Variants in DNAJC13 observed in about 807,000 individuals in gnomAD.
The protein encoded by DNAJC13 is DnaJ heat shock protein family (Hsp40) member C13.
In DNAJC13, 75 loss-of-function variants were observed where a neutral mutation model predicts 290.5. That is an observed-to-expected ratio of 0.26 (90% CI 0.21 to 0.31). DNAJC13 has a LOEUF of 0.31. Ranked by LOEUF, DNAJC13 falls within the 10% of genes least tolerant of loss-of-function variation. The probability of loss-of-function intolerance (pLI) is 1.00; values close to 1 mark genes in which losing one functional copy is unlikely to be tolerated. For synonymous variants in DNAJC13, 862 were observed against 892.0 expected (o/e 0.97, Z 0.60); for missense variants, 2,260 against 2,674.5 (o/e 0.85, Z 3.42).
At chr3:132,528,948 A>ATT (rs200060151) in intron 54 of DNAJC13, among the ~76,000 whole-genome samples, 1 of 150,752 alleles carries the variant, frequency 6.6e-6, no homozygotes, top group South Asian at 2.1e-4. Flanking sequence ...ACTAATGCTC[A>ATT]TTTTTTTTTA....
At chr3:132,490,585 T>G (rs572630811) in intron 31 of DNAJC13, among the ~76,000 whole-genome samples, 2 of 152,314 alleles carry the variant, frequency 1.3e-5, no homozygotes, top group South Asian at 4.1e-4. Flanking sequence ...CCTTCTGTTA[T>G]CCATTACTGT....
Position 132,453,461 on chromosome 3 carries a change from C to T in DNAJC13, c.701C>T (p.Ser234Phe), listed in dbSNP as rs1214553204. 2.5e-6 allele frequency: 4 copies of T among 1,613,806 alleles called. No individual in the cohort carries two copies. The highest frequency in any genetic ancestry group is 3.4e-6 in the Non-Finnish European group (4 of 1,179,916). Residue 234 changes from serine (S) to phenylalanine (F), a missense_variant, in exon 7 of 56, where the codon TCT becomes TTT. Ser to Phe is a radical substitution (Grantham distance 155). Coordinates refer to ENST00000260818, the MANE Select transcript of DNAJC13 (RefSeq NM_015268.4). The part of the protein sequence containing the change: ...GKYSTDESIT[S>F]LAEFVVQKIS... ...TACAGCACTGATGAATCCATCACATCTTTAGCAGAGTTTGTAGTCCAAAAA... is the reference window on the plus strand; with the variant it reads ...TACAGCACTGATGAATCCATCACATTTTTAGCAGAGTTTGTAGTCCAAAAA...
chr3:132,434,695 A>G (rs1050796928), intron 2 of DNAJC13, 77 bp downstream of exon 2: 15 of 1,205,612 alleles, frequency 1.2e-5, no homozygotes, highest in Non-Finnish European at 1.5e-5. Context: ...ATAATCTTGA[A>G]TAATACTGCA....
intron 55 of DNAJC13, among the ~76,000 whole-genome samples, chr3:132,531,690 G>A (rs970157478): frequency 1.1e-4 from 17 of 151,946 alleles, no homozygotes; most frequent in Admixed American, 2.0e-4. Context: ...CCATCTACTC[G>A]GGAGGCTGAG....
At chr3:132,492,180 GA>G (rs1413210619) in intron 32 of DNAJC13, among the ~76,000 whole-genome samples, 2 of 152,058 alleles carry the variant, frequency 1.3e-5, no homozygotes, top group African/African-American at 4.8e-5. Flanking sequence ...GAAGGACTGG[GA>G]TTATCAGCCC....
At chr3:132,520,538 A>C (rs1936058263) in intron 48 of DNAJC13, among the ~76,000 whole-genome samples, 1 of 152,248 alleles carries the variant, frequency 6.6e-6, no homozygotes, top group African/African-American at 2.4e-5. Context: ...GACTTGGGTC[A>C]TTCATTAAAT....
intron 28 of DNAJC13, among the ~76,000 whole-genome samples, chr3:132,483,813 C>T (rs145652427): frequency 4.6e-5 from 7 of 152,236 alleles, no homozygotes; most frequent in African/African-American, 1.4e-4. Context: ...CTGAGACTTA[C>T]AATAGTAACA....
chr3:132,484,908 A>AAAAT (rs924463136), intron 29 of DNAJC13, among the ~76,000 whole-genome samples: 8 of 151,832 alleles, frequency 5.3e-5, no homozygotes, highest in Admixed American at 2.0e-4. Flanking sequence ...ATCTCTACAA[A>AAAAT]AAATAAATAA....
Position 132,487,559 on chromosome 3 carries a change from A to ATTTTTTTTTTTTTTT in DNAJC13, c.3268-733_3268-719dup, listed in dbSNP as rs10663131. Among the ~76,000 whole-genome samples the ATTTTTTTTTTTTTTT allele has an allele frequency of 8.0e-4, 88 of 110,426 alleles. 10 individuals are homozygous for ATTTTTTTTTTTTTTT. Among genetic ancestry groups the ATTTTTTTTTTTTTTT allele is most frequent in the African/African-American group, 4.2e-3 (78 of 18,768 alleles). 72.4% of individuals were successfully genotyped at this position (110,426 alleles called of 152,430 possible). A position where few individuals can be genotyped will look rare whatever the true frequency, so the allele number is the denominator to read the frequency against. The stretch of plus-strand genomic sequence containing the variant: ...GCGTGAGCCACCATGCCTGGCTGTA[A>ATTTTTTTTTTTTTTT]TTTTTTTTTTTTTTTTTTTTACTGG... On this transcript the variant is annotated intron_variant, in intron 29 of 55. Transcript: ENST00000260818.
At chr3:132,514,079 A>G (rs1020672537) in intron 45 of DNAJC13, among the ~76,000 whole-genome samples, 13 of 152,178 alleles carry the variant, frequency 8.5e-5, no homozygotes, top group Non-Finnish European at 1.6e-4. Flanking sequence ...AATAAACGTC[A>G]TTAAATGTAG....
intron 31 of DNAJC13, among the ~76,000 whole-genome samples, chr3:132,490,281 T>C (rs1935021732): frequency 6.6e-6 from 1 of 152,326 alleles, no homozygotes; most frequent in Non-Finnish European, 1.5e-5. Context: ...TTTATTTGTA[T>C]AAATCCTAGC....
At position 132,531,102 on chromosome 3, in the gene DNAJC13, G is replaced by C. The variant is rs1936401935; in HGVS notation, c.6625+5G>C. ...AAACAGCAGGATACCTCACAGGTAA[G>C]CCATACCTAATTGGTTATTGTAAGA... is the stretch of plus-strand genomic sequence containing the variant. On this transcript the variant is annotated splice_donor_5th_base_variant and intron_variant, in intron 55 of 55. Coordinates refer to ENST00000260818, the MANE Select transcript of DNAJC13 (RefSeq NM_015268.4). 1.9e-6 allele frequency: 3 copies of C among 1,613,360 alleles called. No homozygotes were observed. Among genetic ancestry groups the C allele is most frequent in the Middle Eastern group, 3.3e-4 (2 of 6,060 alleles).
rs1024891724 is a variant in DNAJC13, at chr3:132,465,714, T to G, written c.1893-281T>G. Among the ~76,000 whole-genome samples, 6 of 152,132 alleles carry G rather than the reference T, an allele frequency of 3.9e-5. No homozygotes were observed. The South Asian group carries it at 1.2e-3, about 31-fold the overall frequency. ...TGTTTTTGTTGTTTTTTTTCTTCCT[T>G]TAAGTGGGATAAAAACCTACTTTTT... On this transcript the variant is annotated intron_variant, in intron 17 of 55. Transcript: ENST00000260818.
Position 132,525,766 on chromosome 3 carries a change from A to G in DNAJC13, c.6217A>G (p.Ile2073Val), listed in dbSNP as rs772830218. 3 of 1,614,106 alleles carry G rather than the reference A, an allele frequency of 1.9e-6. No homozygotes were observed. The highest frequency in any genetic ancestry group is 1.1e-5 in the South Asian group (1 of 91,058). ...NAIPKSAIRV[I>V]HALSENELCV... Reference sequence around the variant, plus strand: ...CATTCCTAAGAGTGCCATTCGGGTTATCCATGCCTTGTCTGAAAATGAGGT... The same window carrying G: ...CATTCCTAAGAGTGCCATTCGGGTTGTCCATGCCTTGTCTGAAAATGAGGT... Residue 2073 changes from isoleucine (I) to valine (V), a missense_variant, in exon 52 of 56, where the codon ATC becomes GTC. Ile to Val is a conservative substitution (Grantham distance 29, BLOSUM62 3). Coordinates refer to ENST00000260818, the MANE Select transcript of DNAJC13 (RefSeq NM_015268.4).
intron 22 of DNAJC13, among the ~76,000 whole-genome samples, chr3:132,477,535 A>G (rs1461348861): frequency 6.6e-6 from 1 of 152,240 alleles, no homozygotes; most frequent in African/African-American, 2.4e-5. Flanking sequence ...CCAGTAGGGA[A>G]TAAAGCAGAT....
At chr3:132,528,760 G>A (rs1936330961) in intron 54 of DNAJC13, among the ~76,000 whole-genome samples, 1 of 108,520 alleles carries the variant, frequency 9.2e-6, no homozygotes, top group African/African-American at 5.0e-5. Context: ...TGCTTAAAAA[G>A]TGTTGGTTTT....
At chr3:132,508,881 T>C (rs1032881507) in intron 43 of DNAJC13, among the ~76,000 whole-genome samples, 1 of 152,254 alleles carries the variant, frequency 6.6e-6, no homozygotes, top group Non-Finnish European at 1.5e-5. Context: ...TTAAGCCCAC[T>C]GTGGAGACCT....
chr3:132,470,584 C>G (rs1399727111), intron 20 of DNAJC13, among the ~76,000 whole-genome samples: 48 of 142,350 alleles, frequency 3.4e-4, no homozygotes, highest in Middle Eastern at 3.6e-3. Flanking sequence ...CGCCCCTCAC[C>G]TCCCGGACGG....
At chr3:132,450,948 C>T (rs1933398495) in intron 6 of DNAJC13, 101 bp downstream of exon 6, 4 of 664,504 alleles carry the variant, frequency 6.0e-6, no homozygotes, top group Non-Finnish European at 7.4e-6. Context: ...CACGTGAGTC[C>T]TCTGGAAGGA....
Sources: gnomAD v4.1 joint callset for allele counts (sites outside exome capture counted in the v4.1 genomes callset) on GRCh38, gnomAD v4.1.1 for gene constraint, MANE v1.5 for transcripts, NCBI Gene and HGNC (gene_info 2026-07-23, HGNC 2026-07-21) for gene names.